RGS7: variants seen among roughly 807,000 people sequenced by gnomAD.
The protein encoded by RGS7 is regulator of G-protein signaling 7.
RGS7 carries 27 observed loss-of-function variants against 81.1 expected under a neutral mutation model. That is an observed-to-expected ratio of 0.33 (90% CI 0.25 to 0.46). The LOEUF is 0.46. Among genes scored for constraint, RGS7 ranks in the 20% least tolerant of loss-of-function variants. The pLI, the probability that RGS7 is intolerant of heterozygous loss-of-function variation, is 1.00. For missense variants in RGS7, 396 were observed against 607.4 expected, an observed-to-expected ratio of 0.65 and a Z score of 3.66; for synonymous variants, 208 against 207.7, an observed-to-expected ratio of 1.00 and a Z score of -0.01.
intron 2 of RGS7, among the ~76,000 whole-genome samples, chr1:241,237,802 T>C (rs779650868): frequency 7.9e-5 from 12 of 152,230 alleles, no homozygotes; most frequent in Middle Eastern, 6.8e-3. Context: ...GACACCACCG[T>C]TCGAGTATAA....
rs1161090389 is a variant in RGS7 at position 241,089,063 on chromosome 1, C to CTATATATA, written c.175+9595_175+9602dup. Among the ~76,000 whole-genome samples the CTATATATA allele has an allele frequency of 3.6e-3, 85 of 23,672 alleles. 7 individuals carry two copies. Among genetic ancestry groups the CTATATATA allele is most frequent in the Non-Finnish European group, 4.4e-3 (59 of 13,434 alleles). The allele number at this position is 23,672 out of a possible 152,430, so 15.5% of individuals were successfully genotyped here. On this transcript the variant is annotated intron_variant, in intron 3 of 18. Coordinates refer to ENST00000440928, the MANE Select transcript of RGS7 (RefSeq NM_001364886.1). ...TCTCTCTCTCTCTCTCTCTCTCTCT[C>CTATATATA]TATATATATATATATATATATATAT...
At chr1:241,179,559 T>A (rs1475956353) in intron 2 of RGS7, among the ~76,000 whole-genome samples, 1 of 152,214 alleles carries the variant, frequency 6.6e-6, no homozygotes, top group African/African-American at 2.4e-5. Flanking sequence ...GACCCCTTGT[T>A]ATTCATAATA....
chr1:241,269,445 CAT>C (rs1488273807), intron 2 of RGS7, among the ~76,000 whole-genome samples: 5 of 152,368 alleles, frequency 3.3e-5, no homozygotes, highest in South Asian at 2.1e-4. Context: ...TGCCCAATCA[CAT>C]GTTTTTATCA....
chr1:241,201,724 T>G (rs1291730328), intron 2 of RGS7, among the ~76,000 whole-genome samples: 2 of 152,158 alleles, frequency 1.3e-5, no homozygotes, highest in African/African-American at 4.8e-5. Context: ...TTAATCCTCA[T>G]TAGTTGAATC....
intron 3 of RGS7, among the ~76,000 whole-genome samples, chr1:241,084,149 C>T (rs1479754707): frequency 1.3e-5 from 2 of 152,190 alleles, no homozygotes; most frequent in Admixed American, 6.5e-5. Flanking sequence ...CTTACATGTA[C>T]GACTGCCCCT....
chr1:241,330,881 T>C (rs1332988597), intron 2 of RGS7, among the ~76,000 whole-genome samples: 2 of 152,214 alleles, frequency 1.3e-5, no homozygotes. Context: ...AACCACAGCA[T>C]TATGCAATAT....
chr1:241,180,541 T>A (rs1306426244), intron 2 of RGS7, among the ~76,000 whole-genome samples: 1 of 152,220 alleles, frequency 6.6e-6, no homozygotes, highest in Non-Finnish European at 1.5e-5. Flanking sequence ...TGTTTCTCAT[T>A]GTATGGCAAC....
intron 2 of RGS7, among the ~76,000 whole-genome samples, chr1:241,268,428 C>A (rs529422004): frequency 1.3e-5 from 2 of 152,290 alleles, no homozygotes; most frequent in South Asian, 4.2e-4. Context: ...GCCAGGAGCA[C>A]CCCCCAAGTT....
Position 241,152,223 on chromosome 1 carries a change from T to C in RGS7, c.79-53461A>G, listed in dbSNP as rs549899847. 8.6e-5 allele frequency among the ~76,000 whole-genome samples: 13 copies of C among 151,422 alleles called. No homozygotes were observed. The East Asian group carries it at 2.5e-3, about 29-fold the overall frequency. On this transcript the variant is annotated intron_variant, in intron 2 of 18. Transcript: ENST00000440928. ...ACGACCTAAAGACCAGTGCCACGTA[T>C]GTTTGATACTCTTAACTGTAACTCT...
intron 2 of RGS7, among the ~76,000 whole-genome samples, chr1:241,210,153 A>G: frequency 6.6e-6 from 1 of 151,848 alleles, no homozygotes; most frequent in East Asian, 1.9e-4. Context: ...ATATATATAT[A>G]TATTTTTTCT....
chr1:241,216,645 C>A (rs1437554680), intron 2 of RGS7, among the ~76,000 whole-genome samples: 1 of 152,166 alleles, frequency 6.6e-6, no homozygotes, highest in African/African-American at 2.4e-5. Flanking sequence ...GTCACATAAT[C>A]CAGGTCTGAC....
intron 3 of RGS7, among the ~76,000 whole-genome samples, chr1:241,080,848 T>G (rs2063092150): frequency 6.6e-6 from 1 of 152,218 alleles, no homozygotes. Context: ...AAGGAATGCC[T>G]TCTTATGGAA....
At chr1:241,010,943 C>A (rs1234657885) in intron 3 of RGS7, among the ~76,000 whole-genome samples, 2 of 152,124 alleles carry the variant, frequency 1.3e-5, no homozygotes, top group African/African-American at 4.8e-5. Flanking sequence ...CCTGGTAAAT[C>A]TGCATAATGA....
At chr1:241,224,423 A>G (rs1046368693) in intron 2 of RGS7, among the ~76,000 whole-genome samples, 2 of 152,138 alleles carry the variant, frequency 1.3e-5, no homozygotes, top group Non-Finnish European at 2.9e-5. Flanking sequence ...AAAGGACATG[A>G]ACTCATCCTT....
At chr1:241,010,729 C>T (rs1342704146) in intron 3 of RGS7, among the ~76,000 whole-genome samples, 1 of 146,964 alleles carries the variant, frequency 6.8e-6, no homozygotes, top group Non-Finnish European at 1.6e-5. Context: ...AATGTCTTCT[C>T]AGCCAATGCA....
At chr1:241,047,332 A>G (rs1462279040) in intron 3 of RGS7, among the ~76,000 whole-genome samples, 1 of 152,150 alleles carries the variant, frequency 6.6e-6, no homozygotes, top group Non-Finnish European at 1.5e-5. Flanking sequence ...GCACAAATCT[A>G]AAATACTTGA....
Position 240,817,652 on chromosome 1 carries a change from G to A in RGS7, c.685-1237C>T, listed in dbSNP as rs146234309. On this transcript the variant is annotated intron_variant, in intron 10 of 18. Transcript: ENST00000440928. ...GAGTCTCATTCTGTCATTCAGGCTG[G>A]AGTGCAGTGGCGTAATCTTGGCTCA... Among the ~76,000 whole-genome samples, 8 of 152,088 alleles carry A rather than the reference G, an allele frequency of 5.3e-5. No homozygotes were observed. In the East Asian group the frequency reaches 1.5e-3, roughly 29 times the overall value.
intron 6 of RGS7, among the ~76,000 whole-genome samples, chr1:240,879,709 G>GAAAC: frequency 6.6e-6 from 1 of 152,262 alleles, no homozygotes; most frequent in Non-Finnish European, 1.5e-5. Flanking sequence ...TTTAATCTCA[G>GAAAC]AAACTGAACA....
chr1:241,086,804 A>C (rs1011303089), intron 3 of RGS7, among the ~76,000 whole-genome samples: 1 of 152,146 alleles, frequency 6.6e-6, no homozygotes, highest in Admixed American at 6.5e-5. Context: ...CATCCTGTGC[A>C]AAGGTCACGC....
Sources: allele counts gnomAD v4.1 joint callset (sites outside exome capture counted in the v4.1 genomes callset), GRCh38; gene constraint gnomAD v4.1.1; transcripts MANE v1.5; gene names NCBI Gene and HGNC (gene_info 2026-07-23, HGNC 2026-07-21).